Variants in SCAI observed in about 807,000 individuals in gnomAD.
SCAI encodes protein SCAI.
A neutral mutation model predicts 92.2 loss-of-function variants in SCAI; 24 were observed. The ratio of observed to expected loss-of-function variants is 0.26; its 90% confidence interval spans 0.19 to 0.37. The LOEUF (loss-of-function observed/expected upper bound fraction) is 0.37. Ranked by LOEUF, SCAI falls within the 10% of genes least tolerant of loss-of-function variation. SCAI has a pLI of 1.00. For synonymous variants in SCAI, 261 were observed against 258.6 expected (o/e 1.01, Z -0.09); for missense variants, 450 against 736.2 (o/e 0.61, Z 4.50).
At chr9:125,026,720 T>A in intron 6 of SCAI, 92 bp downstream of exon 6, 1 of 683,888 alleles carries the variant, frequency 1.5e-6, no homozygotes, top group Non-Finnish European at 2.5e-6. Context: ...CGAGTACACG[T>A]TATAAAAATG....
chr9:125,109,124 C>T (rs1318467942), intron 2 of SCAI, among the ~76,000 whole-genome samples: 1 of 152,198 alleles, frequency 6.6e-6, no homozygotes, highest in South Asian at 2.1e-4. Flanking sequence ...AAGGGCAGTG[C>T]AAGATGTGCT....
chr9:125,046,341 ATGTGTGTGTGTG>A (rs139304609), intron 3 of SCAI, among the ~76,000 whole-genome samples: 1 of 80,406 alleles, frequency 1.2e-5, no homozygotes, highest in Non-Finnish European at 2.4e-5. Flanking sequence ...ACATATATAT[ATGTGTGTGTGTG>A]TATATATATA....
intron 2 of SCAI, among the ~76,000 whole-genome samples, chr9:125,063,807 G>A (rs1312270063): frequency 6.7e-6 from 1 of 148,700 alleles, no homozygotes; most frequent in East Asian, 2.0e-4. Flanking sequence ...AGGCTGAAGT[G>A]CAATGGCGGG....
At chr9:124,996,798 T>G (rs1832248362) in intron 13 of SCAI, among the ~76,000 whole-genome samples, 1 of 151,768 alleles carries the variant, frequency 6.6e-6, no homozygotes, top group Non-Finnish European at 1.5e-5. Flanking sequence ...CCCGGCTAAT[T>G]TTTTGTATTT....
At chr9:125,003,337 G>A in intron 10 of SCAI, 122 bp from the exon 11 acceptor site, 1 of 991,150 alleles carries the variant, frequency 1.0e-6, no homozygotes, top group Non-Finnish European at 1.6e-6. Flanking sequence ...TTACTGTGAT[G>A]ATCTATTTCT....
In SCAI at chr9:125,067,135, T is replaced by C. The variant is rs1218818689; in HGVS notation, c.99-11128A>G. On this transcript the variant is annotated intron_variant, in intron 2 of 17. Coordinates refer to ENST00000336505, the MANE Select transcript of SCAI (RefSeq NM_001144877.3). ...ACAAGATCAATTCAACAGACACTTG[T>C]GGGAAGCACATGGGTAAACATATCA... 2.0e-5 allele frequency among the ~76,000 whole-genome samples: 3 copies of C among 152,070 alleles called. No homozygotes were observed. The East Asian group carries it at 5.8e-4, about 29-fold the overall frequency.
intron 2 of SCAI, among the ~76,000 whole-genome samples, chr9:125,099,839 C>T (rs902085727): frequency 6.6e-6 from 1 of 152,222 alleles, no homozygotes; most frequent in Admixed American, 6.5e-5. Flanking sequence ...CTTCAACGTT[C>T]ATCCATGTTG....
intron 2 of SCAI, chr9:125,065,945 A>G (rs866856239): frequency 2.2e-5 from 16 of 739,554 alleles, no homozygotes; most frequent in African/African-American, 2.1e-4. Context: ...AGCTTCATTA[A>G]TTTTATAAAG....
At chr9:125,074,591 T>C (rs764642520) in intron 2 of SCAI, among the ~76,000 whole-genome samples, 5 of 151,864 alleles carry the variant, frequency 3.3e-5, no homozygotes, top group Non-Finnish European at 4.4e-5. Context: ...CTTCTCTCAG[T>C]GGCAAAGAAC....
intron 2 of SCAI, among the ~76,000 whole-genome samples, chr9:125,121,216 G>A (rs989211777): frequency 6.0e-5 from 9 of 150,458 alleles, no homozygotes; most frequent in Non-Finnish European, 1.2e-4. Flanking sequence ...CGTGAACAAG[G>A]TAAAGAAAAA....
At position 125,024,175 on chromosome 9, in the gene SCAI, T is replaced by C. The variant is rs147151105; in HGVS notation, c.512+2637A>G. On this transcript the variant is annotated intron_variant, in intron 6 of 17. Coordinates refer to ENST00000336505, the MANE Select transcript of SCAI (RefSeq NM_001144877.3). Reference sequence around the variant, plus strand: ...ACCTTTTATTGTTTCTTCTGAACAATAAATGACATGTTGACATGTTGTCAA... The same window carrying C: ...ACCTTTTATTGTTTCTTCTGAACAACAAATGACATGTTGACATGTTGTCAA... Among the ~76,000 whole-genome samples the C allele has an allele frequency of 3.0e-3, 463 of 152,048 alleles. 1 individual carries two copies. Among genetic ancestry groups the C allele is most frequent in the Middle Eastern group, 0.01 (3 of 292 alleles).
chr9:125,142,833 C>T (rs1420659121), intron 1 of SCAI, among the ~76,000 whole-genome samples, 156 bp from the exon 2 acceptor site: 2 of 152,074 alleles, frequency 1.3e-5, no homozygotes, highest in Non-Finnish European at 2.9e-5. Flanking sequence ...TGCCCTGTTT[C>T]CCCTATTTAC....
At chr9:125,047,672 T>C (rs190963600) in intron 3 of SCAI, among the ~76,000 whole-genome samples, 37 of 152,222 alleles carry the variant, frequency 2.4e-4, no homozygotes, top group Admixed American at 2.4e-3. Flanking sequence ...AAACTAAAAC[T>C]GGGAGGAATT....
intron 14 of SCAI, among the ~76,000 whole-genome samples, chr9:124,980,829 G>A (rs1037974683): frequency 6.6e-5 from 10 of 152,034 alleles, no homozygotes; most frequent in Non-Finnish European, 1.0e-4. Context: ...ACTATATGCC[G>A]AGTCCTGTGA....
At chr9:125,002,847 T>C (rs996906008) in intron 11 of SCAI, among the ~76,000 whole-genome samples, 12 of 151,872 alleles carry the variant, frequency 7.9e-5, no homozygotes, top group Admixed American at 7.9e-4. Flanking sequence ...AGAACCACTA[T>C]TATCATTAAT....
intron 2 of SCAI, among the ~76,000 whole-genome samples, chr9:125,116,616 G>GA (rs1401254214): frequency 1.3e-5 from 2 of 151,712 alleles, no homozygotes; most frequent in Non-Finnish European, 2.9e-5. Flanking sequence ...TAAGAACTAG[G>GA]AAAAAAATCT....
At chr9:125,056,497 C>A (rs1202558692) in intron 2 of SCAI, among the ~76,000 whole-genome samples, 1 of 151,948 alleles carries the variant, frequency 6.6e-6, no homozygotes, top group Admixed American at 6.6e-5. Context: ...GAAAATAGAT[C>A]ATCTCCTATC....
At chr9:125,090,379 T>C (rs1261919065) in intron 2 of SCAI, among the ~76,000 whole-genome samples, 2 of 146,110 alleles carry the variant, frequency 1.4e-5, no homozygotes, top group Non-Finnish European at 3.0e-5. Flanking sequence ...TAAGGAGCCA[T>C]GGAGAGATGA....
chr9:125,137,096 A>T (rs899456126), intron 2 of SCAI, among the ~76,000 whole-genome samples: 2 of 152,110 alleles, frequency 1.3e-5, no homozygotes, highest in Non-Finnish European at 2.9e-5. Context: ...CAACCATTAC[A>T]TCCTTATTCT....
Sources: gnomAD v4.1 joint callset for allele counts (sites outside exome capture counted in the v4.1 genomes callset) on GRCh38, gnomAD v4.1.1 for gene constraint, MANE v1.5 for transcripts, NCBI Gene and HGNC (gene_info 2026-07-23, HGNC 2026-07-21) for gene names.